The following SUPT3H variants were observed in gnomAD, a reference collection of about 807,000 sequenced individuals.
The protein encoded by SUPT3H is SPT3 homolog, SAGA and STAGA complex component.
A neutral mutation model predicts 44.3 loss-of-function variants in SUPT3H; 44 were observed. That is an observed-to-expected ratio of 0.99 (90% CI 0.78 to 1.28). The LOEUF is 1.28. Among genes scored for constraint, SUPT3H ranks in the 50% most tolerant of loss-of-function variants. The pLI is 0.00. For synonymous variants in SUPT3H, 124 were observed against 125.6 expected, an observed-to-expected ratio of 0.99 and a Z score of 0.09; for missense variants, 380 against 387.1, an observed-to-expected ratio of 0.98 and a Z score of 0.15.
chr6:45,141,872 C>T (rs1805272628), intron 2 of SUPT3H, among the ~76,000 whole-genome samples: 7 of 152,116 alleles, frequency 4.6e-5, no homozygotes. Context: ...TCTAGACATT[C>T]AAATACAATA....
At chr6:45,248,239 T>C (rs553821899) in intron 2 of SUPT3H, among the ~76,000 whole-genome samples, 4 of 152,110 alleles carry the variant, frequency 2.6e-5, no homozygotes, top group Non-Finnish European at 5.9e-5. Flanking sequence ...AAATGACCAA[T>C]TGAATTTCAT....
chr6:45,213,190 G>A (rs1436767521), intron 2 of SUPT3H, among the ~76,000 whole-genome samples: 2 of 152,144 alleles, frequency 1.3e-5, no homozygotes, highest in Admixed American at 1.3e-4. Context: ...CTCACCACAG[G>A]AAGTGCGCCT....
At chr6:44,860,020 T>C (rs898715099) in intron 10 of SUPT3H, among the ~76,000 whole-genome samples, 3 of 152,198 alleles carry the variant, frequency 2.0e-5, no homozygotes, top group Admixed American at 1.3e-4. Context: ...TCTATTATTC[T>C]GAGAGTCCTA....
intron 2 of SUPT3H, among the ~76,000 whole-genome samples, chr6:45,271,859 C>CA (rs1776229608): frequency 6.6e-6 from 1 of 152,150 alleles, no homozygotes; most frequent in Non-Finnish European, 1.5e-5. Flanking sequence ...CAAAGCTGCC[C>CA]AAGACCATGG....
At chr6:45,023,371 T>A (rs138107140) in intron 3 of SUPT3H, among the ~76,000 whole-genome samples, 2 of 152,050 alleles carry the variant, frequency 1.3e-5, no homozygotes, top group African/African-American at 4.8e-5. Flanking sequence ...AGCGGTATGG[T>A]GATTCCTCAG....
chr6:45,050,310 TAA>T (rs1790083075), intron 3 of SUPT3H, among the ~76,000 whole-genome samples: 1 of 148,882 alleles, frequency 6.7e-6, no homozygotes, highest in Non-Finnish European at 1.5e-5. Flanking sequence ...TGTGTGTGTG[TAA>T]AAAGAAGATA....
intron 2 of SUPT3H, among the ~76,000 whole-genome samples, chr6:45,318,300 C>A (rs1326609845): frequency 6.6e-6 from 1 of 152,062 alleles, no homozygotes; most frequent in Non-Finnish European, 1.5e-5. Flanking sequence ...ATATTTAGGG[C>A]AGTGAAACTA....
chr6:44,896,162 C>T (rs957708291), intron 10 of SUPT3H, among the ~76,000 whole-genome samples: 4 of 151,872 alleles, frequency 2.6e-5, no homozygotes, highest in African/African-American at 9.7e-5. Context: ...AACCAGGTAA[C>T]GAGGTTTGAA....
chr6:44,809,414 A>G (rs1323481772), exon 12 of SUPT3H: 1 of 152,240 alleles, frequency 6.6e-6, no homozygotes, highest in East Asian at 1.9e-4. Flanking sequence ...TAAACGAAGG[A>G]AGCTTGTTTT....
At chr6:45,058,829 C>G (rs1328219196) in intron 3 of SUPT3H, among the ~76,000 whole-genome samples, 1 of 152,098 alleles carries the variant, frequency 6.6e-6, no homozygotes, top group East Asian at 1.9e-4. Flanking sequence ...TGGCTTTGAA[C>G]GTTTTCCCTC....
At chr6:45,288,587 A>AG (rs1779751884) in intron 2 of SUPT3H, among the ~76,000 whole-genome samples, 1 of 36,230 alleles carries the variant, frequency 2.8e-5, no homozygotes, top group African/African-American at 7.3e-5. Flanking sequence ...ATATATGTAT[A>AG]TATATATATG....
intron 2 of SUPT3H, among the ~76,000 whole-genome samples, chr6:45,185,389 T>C (rs902038367): frequency 3.9e-5 from 6 of 152,264 alleles, no homozygotes; most frequent in African/African-American, 1.4e-4. Context: ...TGGGTCTCCA[T>C]ACCTACCCAG....
chr6:45,290,469 A>G (rs1050156919), intron 2 of SUPT3H, among the ~76,000 whole-genome samples: 2 of 151,498 alleles, frequency 1.3e-5, no homozygotes, highest in African/African-American at 2.4e-5. Flanking sequence ...AAAAAAAAAA[A>G]AAAAGCAGAG....
intron 3 of SUPT3H, among the ~76,000 whole-genome samples, chr6:45,102,047 A>T (rs1798650205): frequency 6.6e-6 from 1 of 152,170 alleles, no homozygotes; most frequent in Non-Finnish European, 1.5e-5. Flanking sequence ...AACTGTTCTG[A>T]ATCAATTTTA....
chr6:45,241,227 T>C (rs1770265780), intron 2 of SUPT3H, among the ~76,000 whole-genome samples: 1 of 151,526 alleles, frequency 6.6e-6, no homozygotes, highest in Non-Finnish European at 1.5e-5. Context: ...AATCTTGCCA[T>C]AAGCTGGCCC....
At chr6:45,020,218 T>C (rs768043351) in intron 4 of SUPT3H, among the ~76,000 whole-genome samples, 6 of 151,958 alleles carry the variant, frequency 3.9e-5, no homozygotes, top group Non-Finnish European at 8.8e-5. Context: ...AAAATAAATA[T>C]GCCATTCAGT....
At chr6:44,879,083 A>G (rs1356533579) in intron 10 of SUPT3H, among the ~76,000 whole-genome samples, 1 of 152,092 alleles carries the variant, frequency 6.6e-6, no homozygotes, top group East Asian at 1.9e-4. Context: ...AGAACCATTC[A>G]CTGCCCTGGA....
At chr6:45,176,244 G>T (rs945065841) in intron 2 of SUPT3H, among the ~76,000 whole-genome samples, 3 of 151,848 alleles carry the variant, frequency 2.0e-5, no homozygotes, top group Admixed American at 6.6e-5. Flanking sequence ...GAAGCAGGGC[G>T]AGGCATTGCC....
chr6:45,056,159 A>G (rs1791085565), intron 3 of SUPT3H, among the ~76,000 whole-genome samples: 1 of 152,178 alleles, frequency 6.6e-6, no homozygotes, highest in African/African-American at 2.4e-5. Flanking sequence ...TAGAATGGCC[A>G]TAATCAAAAA....
Sources: gnomAD v4.1 joint callset for allele counts (sites outside exome capture counted in the v4.1 genomes callset) on GRCh38, gnomAD v4.1.1 for gene constraint, MANE v1.5 for transcripts, NCBI Gene and HGNC (gene_info 2026-07-23, HGNC 2026-07-21) for gene names.